Variants in LATS2 observed in about 807,000 individuals in gnomAD.
The protein encoded by LATS2 is serine/threonine-protein kinase LATS2.
In LATS2, 24 loss-of-function variants were observed where a neutral mutation model predicts 76.0. That is an observed-to-expected ratio of 0.32 (90% CI 0.23 to 0.44). The LOEUF is 0.44. LATS2 is among the 20% of genes least tolerant of loss of function. The pLI is 1.00. For synonymous variants in LATS2, 692 were observed against 635.4 expected (o/e 1.09, Z -1.34); for missense variants, 1,286 against 1,481.2 (o/e 0.87, Z 2.16).
chr13:21,011,018 G>C (rs1423115004), intron 2 of LATS2, among the ~76,000 whole-genome samples: 1 of 152,204 alleles, frequency 6.6e-6, no homozygotes, highest in Non-Finnish European at 1.5e-5. Context: ...CTGCTCATTG[G>C]AGTAAAGTCT....
chr13:20,984,079 C>T (rs751008064), intron 4 of LATS2, among the ~76,000 whole-genome samples: 5 of 152,102 alleles, frequency 3.3e-5, no homozygotes, highest in Admixed American at 6.5e-5. Context: ...TACATGTGCC[C>T]GCCACCATGA....
At chr13:21,016,319 C>G (rs918774573) in intron 2 of LATS2, among the ~76,000 whole-genome samples, 9 of 150,836 alleles carry the variant, frequency 6.0e-5, no homozygotes, top group East Asian at 2.0e-4. Context: ...GACTCTTGCT[C>G]TGTCACCCAG....
intron 2 of LATS2, among the ~76,000 whole-genome samples, chr13:21,006,799 A>G (rs892679285): frequency 6.6e-6 from 1 of 152,174 alleles, no homozygotes; most frequent in African/African-American, 2.4e-5. Context: ...ACTTTTTAAG[A>G]GAGTAGCTGT....
At chr13:20,992,246 AG>A (rs1468452912) in intron 2 of LATS2, among the ~76,000 whole-genome samples, 2 of 152,142 alleles carry the variant, frequency 1.3e-5, no homozygotes, top group Non-Finnish European at 2.9e-5. Flanking sequence ...GCAGCACGCA[AG>A]GGTAGGTGGA....
intron 6 of LATS2, among the ~76,000 whole-genome samples, chr13:20,980,975 C>A (rs1205485554): frequency 8.5e-5 from 13 of 152,328 alleles, no homozygotes; most frequent in Admixed American, 7.2e-4. Flanking sequence ...TCATTTTACA[C>A]AACTGGCACC....
At chr13:21,014,176 G>C (rs1871708169) in intron 2 of LATS2, among the ~76,000 whole-genome samples, 1 of 152,136 alleles carries the variant, frequency 6.6e-6, no homozygotes, top group Non-Finnish European at 1.5e-5. Flanking sequence ...ATGAGTCGGG[G>C]GCAGGGGGAA....
At chr13:21,038,683 A>T (rs1290647977) in intron 2 of LATS2, 2 of 152,216 alleles carry the variant, frequency 1.3e-5, no homozygotes, top group Non-Finnish European at 2.9e-5. Context: ...TATTTTTGTA[A>T]TTAGAAAAAA....
Position 20,973,699 on chromosome 13 carries a change from A to T in LATS2, c.*1171T>A, listed in dbSNP as rs1434365200. Reference sequence around the variant, plus strand: ...AAAGTACACTAAAAGAACAAAAAAAAAGTGAGAGAACCATTAGATCACTCA... The same window carrying T: ...AAAGTACACTAAAAGAACAAAAAAATAGTGAGAGAACCATTAGATCACTCA... On this transcript the variant is annotated 3_prime_UTR_variant, in exon 8 of 8. Coordinates refer to ENST00000382592, the MANE Select transcript of LATS2 (RefSeq NM_014572.3). 1 of 230,642 alleles carries T rather than the reference A, an allele frequency of 4.3e-6. No individual in the cohort carries two copies. Among genetic ancestry groups the T allele is most frequent in the African/African-American group, 2.2e-5 (1 of 45,172 alleles). The allele number at this position is 230,642 out of a possible 1,614,324, so 14.3% of individuals were successfully genotyped here. A position where few individuals can be genotyped will look rare whatever the true frequency, so the allele number is the denominator to read the frequency against.
intron 7 of LATS2, among the ~76,000 whole-genome samples, chr13:20,978,600 G>T (rs1405976497): frequency 1.3e-5 from 2 of 152,088 alleles, no homozygotes; most frequent in Non-Finnish European, 2.9e-5. Flanking sequence ...AACACAGTTT[G>T]AGGGTCACTT....
In LATS2 at chr13:20,975,245, G is replaced by C; in HGVS notation, c.2892C>G (p.Ala964=). The stretch of plus-strand genomic sequence containing the variant: ...AGAAGGGGTGGGCCTTCAGGTCATC[G>C]GCCCCATTCCGCCCCAGGCGGTGGT... ...SADHRLGRNG[A]DDLKAHPFFS... The change falls in exon 8 of 8, where the codon GCC becomes GCG. Residue 964 remains alanine, a synonymous_variant. Coordinates refer to ENST00000382592, the MANE Select transcript of LATS2 (RefSeq NM_014572.3). The C allele has an allele frequency of 6.2e-7, 1 of 1,614,108 alleles. No individual in the cohort carries two copies. The highest frequency in any genetic ancestry group is 8.5e-7 in the Non-Finnish European group (1 of 1,180,014).
At chr13:21,010,685 A>G (rs1251579372) in intron 2 of LATS2, among the ~76,000 whole-genome samples, 2 of 152,194 alleles carry the variant, frequency 1.3e-5, no homozygotes, top group Admixed American at 1.3e-4. Context: ...TGAAATTAGA[A>G]CCAAGTGGCC....
chr13:21,042,983 C>CAA (rs71200326), intron 2 of LATS2, among the ~76,000 whole-genome samples: 1 of 104,938 alleles, frequency 9.5e-6, no homozygotes, highest in African/African-American at 3.1e-5. Context: ...GACTCCGTCT[C>CAA]AAAAAAAAAA....
At chr13:20,978,585 T>C (rs1376885671) in intron 7 of LATS2, among the ~76,000 whole-genome samples, 3 of 152,094 alleles carry the variant, frequency 2.0e-5, no homozygotes, top group African/African-American at 4.8e-5. Flanking sequence ...AGTTGACCCT[T>C]GAACAACACA....
At chr13:21,039,076 A>C (rs1328201881) in intron 2 of LATS2, among the ~76,000 whole-genome samples, 1 of 152,192 alleles carries the variant, frequency 6.6e-6, no homozygotes, top group Non-Finnish European at 1.5e-5. Context: ...AAGTAATTTA[A>C]ATTCCTACAT....
Position 20,988,961 on chromosome 13 carries a change from G to A in LATS2, c.819C>T (p.Pro273=), listed in dbSNP as rs758956734. 3 of 1,537,610 alleles carry A rather than the reference G, an allele frequency of 2.0e-6. No homozygotes were observed. Among genetic ancestry groups the A allele is most frequent in the South Asian group, 1.2e-5 (1 of 84,568 alleles). Residue 273 remains proline (P), a synonymous_variant, in exon 4 of 8, where the codon CCC becomes CCT. Transcript: ENST00000382592. ...EPLGYGVQRS[P]SFQSKTPPET... is the part of the protein sequence containing the mutation. ...CCGGCGGCGTCTTGCTCTGGAAGGA[G>A]GGGCTGCGCTGCACTCCGTAGCCCA...
intron 2 of LATS2, among the ~76,000 whole-genome samples, chr13:21,038,936 C>A (rs1447153697): frequency 1.3e-5 from 2 of 152,170 alleles, no homozygotes; most frequent in South Asian, 4.1e-4. Context: ...GCTGAGATCA[C>A]CCCACTGCAC....
chr13:21,008,839 C>G (rs1871459312), intron 2 of LATS2, among the ~76,000 whole-genome samples: 2 of 152,032 alleles, frequency 1.3e-5, no homozygotes, highest in Admixed American at 1.3e-4. Flanking sequence ...ACTTCCACCC[C>G]CTAGATAAGT....
At chr13:21,029,648 G>A (rs1399909342) in intron 2 of LATS2, among the ~76,000 whole-genome samples, 3 of 151,892 alleles carry the variant, frequency 2.0e-5, no homozygotes, top group Non-Finnish European at 2.9e-5. Context: ...AAAATTAGCC[G>A]GGTGTGGTGG....
intron 2 of LATS2, among the ~76,000 whole-genome samples, chr13:20,997,925 A>C (rs1870830708): frequency 6.6e-6 from 1 of 152,260 alleles, no homozygotes; most frequent in African/African-American, 2.4e-5. Context: ...CTGGTAAGGA[A>C]GCATTTTTCA....
Sources: allele counts gnomAD v4.1 joint callset (sites outside exome capture counted in the v4.1 genomes callset), GRCh38; gene constraint gnomAD v4.1.1; transcripts MANE v1.5; gene names NCBI Gene and HGNC (gene_info 2026-07-23, HGNC 2026-07-21).